The following ZMYM6 variants were observed in gnomAD, a reference collection of about 807,000 sequenced individuals.
ZMYM6 encodes zinc finger MYM-type containing 6.
A neutral mutation model predicts 134.0 loss-of-function variants in ZMYM6; 90 were observed. The ratio of observed to expected loss-of-function variants is 0.67; its 90% CI spans 0.57 to 0.80. ZMYM6 has a LOEUF of 0.80. Among genes scored for constraint, ZMYM6 ranks in the 30% least tolerant of loss-of-function variants. ZMYM6 has a pLI of 0.00. For missense variants in ZMYM6, 1,362 were observed against 1,533.9 expected (o/e 0.89, Z 1.87); for synonymous variants, 481 against 524.1 (o/e 0.92, Z 1.12).
Position 35,010,945 on chromosome 1 carries a change from G to A in ZMYM6, c.1154C>T (p.Ala385Val), listed in dbSNP as rs748358297. Residue 385 changes from alanine (A) to valine (V), a missense_variant, in exon 9 of 16, where the codon GCA (alanine) becomes GTA (valine). This residue lies in a region of ZMYM6 where 503 missense variants were observed against 520.8 expected (regional missense o/e 0.97). Coordinates refer to ENST00000357182, the MANE Select transcript of ZMYM6 (RefSeq NM_007167.4). ...GGTGTTACCTCCTCCTATTGACACT[G>A]CTGACCTGGAGGAGGGCGGGCTTAC... ...VVVSPPSSRS[A>V]VSIGGGNTSA... 1 of 1,612,936 alleles carries A rather than the reference G, an allele frequency of 6.2e-7. No individual in the cohort carries two copies. Among genetic ancestry groups the A allele is most frequent in the South Asian group, 1.1e-5 (1 of 90,864 alleles).
chr1:35,012,293 G>A lies in ZMYM6; in HGVS notation c.946+138C>T, dbSNP rs1031143536. 8 of 821,176 alleles carry A rather than the reference G, an allele frequency of 9.7e-6. No homozygotes were observed. In the African/African-American group the frequency reaches 1.4e-4, roughly 15 times the overall value. The allele number at this position is 821,176 out of a possible 1,614,324, so 50.9% of individuals were successfully genotyped here. Reference sequence around the variant, plus strand: ...GGGGAAAAACTATTTTCACATAAAAGTCAGTTATTTAAAAGTCAGTCTTGG... The same window carrying A: ...GGGGAAAAACTATTTTCACATAAAAATCAGTTATTTAAAAGTCAGTCTTGG... On this transcript the variant is annotated intron_variant, in intron 7 of 15. Transcript: ENST00000357182.
In ZMYM6 at chr1:34,987,397, C is replaced by T. The variant is rs1207947073; in HGVS notation, c.3685G>A (p.Asp1229Asn). The T allele has an allele frequency of 5.6e-6, 9 of 1,613,970 alleles. No homozygotes were observed. The highest frequency in any genetic ancestry group is 4.4e-5 in the South Asian group (4 of 91,022). ...FMNHQNNNLTDFEEEKLTELS... is the reference protein window; with the variant it reads ...FMNHQNNNLTNFEEEKLTELS... ...TCTGTTAGCTTTTCTTCTTCGAAGT[C>T]GGTGAGATTATTATTTTGGTGATTC... Residue 1229 changes from aspartate to asparagine, a missense_variant, in exon 16 of 16, where the codon GAC becomes AAC. This residue lies in a region of ZMYM6 where 824 missense variants were observed against 940.9 expected (regional missense o/e 0.88). Transcript: ENST00000357182.
At chr1:34,992,686 A>AC (rs1415905191) in intron 14 of ZMYM6, among the ~76,000 whole-genome samples, 1,319 of 100,044 alleles carry the variant, frequency 0.013, 125 homozygotes, top group African/African-American at 0.13. Context: ...ATATTTGTAA[A>AC]TATAAAAATA....
At chr1:35,006,290 G>A (rs970030663) in intron 12 of ZMYM6, among the ~76,000 whole-genome samples, 3 of 152,156 alleles carry the variant, frequency 2.0e-5, no homozygotes, top group Admixed American at 1.3e-4. Context: ...TTACAGGTGC[G>A]AGCTACTGCA....
At chr1:35,011,329 C>A (rs375933107) in intron 8 of ZMYM6, among the ~76,000 whole-genome samples, 1 of 152,118 alleles carries the variant, frequency 6.6e-6, no homozygotes, top group African/African-American at 2.4e-5. Flanking sequence ...CCTGCACTCC[C>A]ATCATCAACC....
intron 2 of ZMYM6, among the ~76,000 whole-genome samples, chr1:35,021,137 A>C (rs1384924721): frequency 6.9e-6 from 1 of 144,182 alleles, no homozygotes; most frequent in African/African-American, 2.7e-5. Flanking sequence ...TTTTTTTGAC[A>C]TGGAGTCTCA....
Position 35,030,565 on chromosome 1 carries a change from T to C in ZMYM6, c.75A>G (p.Glu25=), listed in dbSNP as rs755791474. 2 of 1,612,838 alleles carry C rather than the reference T, an allele frequency of 1.2e-6. No individual in the cohort carries two copies. Among genetic ancestry groups the C allele is most frequent in the South Asian group, 2.2e-5 (2 of 90,874 alleles). ...TGCTTACTTGAGCATTGTCTGGTTC[T>C]TCTTTAATTTTGTCCAGAAGCTCCT... is the stretch of plus-strand genomic sequence containing the variant. ...PQQELLDKIK[E]EPDNAQEYGC... Residue 25 remains glutamate (E), a synonymous_variant, in exon 2 of 16, where the codon GAA becomes GAG. Coordinates refer to ENST00000357182, the MANE Select transcript of ZMYM6 (RefSeq NM_007167.4).
intron 14 of ZMYM6, among the ~76,000 whole-genome samples, chr1:34,999,179 T>C (rs1451945015): frequency 2.6e-5 from 4 of 152,108 alleles, no homozygotes; most frequent in Non-Finnish European, 5.9e-5. Context: ...GGGCCAAGTA[T>C]GATGTCCTGG....
rs1415611578 is a variant in ZMYM6, at chr1:35,029,486, AAATATT to A, written c.93+1055_93+1060del. On this transcript the variant is annotated intron_variant, in intron 2 of 15. Transcript: ENST00000357182. ...GCCTGACACACTCTTAAGCATATAT[AAATATT>A]AAGTTAATAATGTCACATATGATTA... 5.3e-5 allele frequency among the ~76,000 whole-genome samples: 8 copies of A among 152,296 alleles called. No homozygotes were observed. In the East Asian group the frequency reaches 1.2e-3, roughly 22 times the overall value.
rs149711454 is a variant in ZMYM6, at chr1:35,000,280, C to T, written c.1992+3688G>A. Among the ~76,000 whole-genome samples the T allele has an allele frequency of 3.5e-3, 529 of 150,502 alleles. 6 individuals are homozygous for T. The highest frequency in any genetic ancestry group is 0.012 in the African/African-American group (480 of 41,000). ...TGTTTTTGAGACAGGGTCTCTGTCA[C>T]CCAAGCTGGAGTGCAGTGGTGCAAT... is the stretch of plus-strand genomic sequence containing the variant. On this transcript the variant is annotated intron_variant, in intron 14 of 15. Coordinates refer to ENST00000357182, the MANE Select transcript of ZMYM6 (RefSeq NM_007167.4).
At chr1:35,006,829 T>A (rs1438392550) in intron 12 of ZMYM6, 122 bp downstream of exon 12, 1 of 1,004,304 alleles carries the variant, frequency 1.0e-6, no homozygotes. Flanking sequence ...AAGAAAAATT[T>A]AAGGAAATTC....
At chr1:35,025,828 C>T (rs1325791629) in intron 2 of ZMYM6, among the ~76,000 whole-genome samples, 1 of 152,094 alleles carries the variant, frequency 6.6e-6, no homozygotes, top group Non-Finnish European at 1.5e-5. Flanking sequence ...TAACGGGTTA[C>T]TATCTAGGAC....
Position 34,988,951 on chromosome 1 carries a change from G to C in ZMYM6, c.2147-16C>G. 1.3e-6 allele frequency: 2 copies of C among 1,597,014 alleles called. No individual in the cohort carries two copies. Among genetic ancestry groups the C allele is most frequent in the Non-Finnish European group, 1.7e-6 (2 of 1,175,648 alleles). ...ATAGGTAAATCTGAATGAAATATTTGAATCACTGTTATTTTCAAGAACAAA... is the reference window on the plus strand; with the variant it reads ...ATAGGTAAATCTGAATGAAATATTTCAATCACTGTTATTTTCAAGAACAAA... On this transcript the variant is annotated splice_polypyrimidine_tract_variant and intron_variant, in intron 15 of 15. Coordinates refer to ENST00000357182, the MANE Select transcript of ZMYM6 (RefSeq NM_007167.4).
At chr1:34,997,500 T>TGA (rs1640804518) in intron 14 of ZMYM6, among the ~76,000 whole-genome samples, 1 of 152,170 alleles carries the variant, frequency 6.6e-6, no homozygotes, top group African/African-American at 2.4e-5. Flanking sequence ...AGAGAGGGTT[T>TGA]CACCATGTTG....
intron 12 of ZMYM6, 44 bp downstream of exon 12, chr1:35,006,907 C>T (rs1233153533): frequency 6.4e-7 from 1 of 1,572,828 alleles, no homozygotes; most frequent in African/African-American, 1.4e-5. Context: ...CTGATAGTGT[C>T]CTAGCACTGA....
intron 6 of ZMYM6, among the ~76,000 whole-genome samples, chr1:35,014,298 A>C (rs1641143026): frequency 6.6e-6 from 1 of 152,194 alleles, no homozygotes; most frequent in Non-Finnish European, 1.5e-5. Flanking sequence ...GCTCACAGAA[A>C]ATCATGAAAT....
intron 2 of ZMYM6, among the ~76,000 whole-genome samples, chr1:35,021,305 G>A (rs928130228): frequency 1.3e-5 from 2 of 151,528 alleles, no homozygotes; most frequent in East Asian, 2.0e-4. Context: ...CACACCCGGC[G>A]AATTTTTGTG....
In ZMYM6 at chr1:35,030,622, A is replaced by C; in HGVS notation, c.18T>G (p.Asp6Glu). ...GTACCACTGCTTTGCCACATTCACC[A>C]TCCAAAGGTTCTTTCATTCTAATTT... MKEPL[D>E]GECGKAVVPQ... Residue 6 changes from aspartate (D) to glutamate (E), a missense_variant, in exon 2 of 16, where the codon GAT becomes GAG. By Grantham distance (45) the Asp-to-Glu change is conservative (BLOSUM62 2). Transcript: ENST00000357182. 6.2e-7 allele frequency: 1 copy of C among 1,612,758 alleles called. No individual in the cohort carries two copies. The highest frequency in any genetic ancestry group is 8.5e-7 in the Non-Finnish European group (1 of 1,179,848).
intron 2 of ZMYM6, among the ~76,000 whole-genome samples, chr1:35,022,004 C>T (rs1414451226): frequency 6.6e-6 from 1 of 152,146 alleles, no homozygotes; most frequent in East Asian, 1.9e-4. Context: ...TTAATCTCTC[C>T]ACACATAGCA....
Sources: gnomAD v4.1 joint callset for allele counts (sites outside exome capture counted in the v4.1 genomes callset) on GRCh38, gnomAD v4.1.1 for gene constraint, gnomAD v4.1.1 regional missense constraint, MANE v1.5 for transcripts, NCBI Gene and HGNC (gene_info 2026-07-23, HGNC 2026-07-21) for gene names.